Variants in FGF12 observed in about 807,000 individuals in gnomAD.
FGF12 encodes fibroblast growth factor 12B.
A neutral mutation model predicts 23.6 loss-of-function variants in FGF12; 14 were observed. The ratio of observed to expected loss-of-function variants is 0.59; its 90% confidence interval spans 0.39 to 0.93. The LOEUF is 0.93. Among genes scored for constraint, FGF12 ranks in the 40% least tolerant of loss-of-function variants. FGF12 has a pLI of 0.00. For synonymous variants in FGF12, 62 were observed against 77.3 expected (o/e 0.80, Z 1.04); for missense variants, 175 against 217.8 (o/e 0.80, Z 1.24).
At chr3:192,391,562 T>C (rs148715335) in intron 2 of FGF12, among the ~76,000 whole-genome samples, 23 of 152,328 alleles carry the variant, frequency 1.5e-4, no homozygotes, top group African/African-American at 5.5e-4. Context: ...GGTATTTTAC[T>C]CTGGGTTTAT....
chr3:192,482,187 T>C (rs1485457872), intron 2 of FGF12, among the ~76,000 whole-genome samples: 1 of 152,124 alleles, frequency 6.6e-6, no homozygotes, highest in Admixed American at 6.6e-5. Context: ...AACCTTAGTG[T>C]TTTAGAATTT....
At position 192,195,173 on chromosome 3, in the gene FGF12, AT is replaced by A. The variant is rs757211400; in HGVS notation, c.229-24518del. On this transcript the variant is annotated intron_variant, in intron 4 of 5. Coordinates refer to ENST00000445105, the MANE Select transcript of FGF12 (RefSeq NM_004113.6). ...TCATTTTGAAGTGGGAACAAAACAA[AT>A]TTTTTTTATATGTAATGTATCATTG... 4.2e-4 allele frequency among the ~76,000 whole-genome samples: 64 copies of A among 152,080 alleles called. 1 individual carries two copies. In the East Asian group the frequency reaches 8.9e-3, roughly 21 times the overall value.
At chr3:192,320,192 G>C (rs878908324) in intron 4 of FGF12, among the ~76,000 whole-genome samples, 2 of 152,030 alleles carry the variant, frequency 1.3e-5, no homozygotes, top group South Asian at 2.1e-4. Flanking sequence ...AAGAGGAGTA[G>C]CTCTACATAG....
chr3:192,667,277 C>A (rs1043881387), intron 2 of FGF12, among the ~76,000 whole-genome samples: 1 of 152,088 alleles, frequency 6.6e-6, no homozygotes, highest in South Asian at 2.1e-4. Flanking sequence ...CAGAGGGCTT[C>A]ACAGGAAAAA....
intron 2 of FGF12, among the ~76,000 whole-genome samples, chr3:192,555,791 T>C (rs1711744949): frequency 6.7e-6 from 1 of 148,640 alleles, no homozygotes; most frequent in South Asian, 2.1e-4. Flanking sequence ...AGAGGAAAAC[T>C]CCATCTCGGG....
At chr3:192,301,618 G>A (rs368038215) in intron 4 of FGF12, among the ~76,000 whole-genome samples, 24 of 152,270 alleles carry the variant, frequency 1.6e-4, no homozygotes, top group African/African-American at 5.1e-4. Context: ...GCATAGTCTC[G>A]TGGTCAGTGG....
At chr3:192,482,330 C>T (rs1439223745) in intron 2 of FGF12, among the ~76,000 whole-genome samples, 2 of 151,982 alleles carry the variant, frequency 1.3e-5, no homozygotes, top group Admixed American at 6.6e-5. Flanking sequence ...GAACAGGTAC[C>T]GTGGTAAAGA....
At chr3:192,458,683 A>G (rs2202101) in intron 2 of FGF12, among the ~76,000 whole-genome samples, 152,300 of 152,300 alleles carry the variant, frequency 1, 76,150 homozygotes, top group Non-Finnish European at 1. Flanking sequence ...TGTCTCAGAT[A>G]AGACTTTGGA....
At chr3:192,575,026 A>G (rs1217360332) in intron 2 of FGF12, among the ~76,000 whole-genome samples, 2 of 152,268 alleles carry the variant, frequency 1.3e-5, no homozygotes, top group African/African-American at 2.4e-5. Flanking sequence ...AGACTATGGT[A>G]TATCCATACA....
intron 2 of FGF12, among the ~76,000 whole-genome samples, chr3:192,557,759 T>C (rs1246429313): frequency 6.6e-6 from 1 of 151,894 alleles, no homozygotes; most frequent in Non-Finnish European, 1.5e-5. Flanking sequence ...GTGATGATAG[T>C]TCAACTTACA....
intron 2 of FGF12, among the ~76,000 whole-genome samples, chr3:192,502,424 G>A (rs1724158381): frequency 6.6e-6 from 1 of 152,198 alleles, no homozygotes; most frequent in Non-Finnish European, 1.5e-5. Context: ...CCCAAGAAGA[G>A]CATGTCAGAC....
At chr3:192,495,985 G>GATTGTTTTA (rs1723944246) in intron 2 of FGF12, among the ~76,000 whole-genome samples, 1 of 152,028 alleles carries the variant, frequency 6.6e-6, no homozygotes, top group Non-Finnish European at 1.5e-5. Context: ...TTAAAAACAG[G>GATTGTTTTA]AAACCATTTG....
At chr3:192,437,763 T>C (rs1469030864) in intron 2 of FGF12, among the ~76,000 whole-genome samples, 1 of 151,984 alleles carries the variant, frequency 6.6e-6, no homozygotes, top group Non-Finnish European at 1.5e-5. Context: ...TAACCCCCAG[T>C]TCCAAATCTA....
chr3:192,506,371 G>A (rs1361591310), intron 2 of FGF12, among the ~76,000 whole-genome samples: 8 of 152,040 alleles, frequency 5.3e-5, no homozygotes, highest in East Asian at 1.9e-4. Context: ...TGTTTTGTTC[G>A]TTTTGTTTTT....
At chr3:192,493,518 C>T (rs992507813) in intron 2 of FGF12, among the ~76,000 whole-genome samples, 38 of 152,136 alleles carry the variant, frequency 2.5e-4, no homozygotes, top group Non-Finnish European at 4.6e-4. Context: ...AGGACTTGCA[C>T]TTCTATAAAG....
Position 192,408,431 on chromosome 3 carries a change from G to T in FGF12, c.14-47893C>A. ...TGGCGACAAAATGTGTGAAAATCCA[G>T]ATGTAAACTTCCCCAACCTCTGGCG... On this transcript the variant is annotated intron_variant, in intron 2 of 5. Transcript: ENST00000445105. The surrounding 1 kb of genome is among the most constrained non-coding windows in gnomAD (Gnocchi z 7.3). 1.4e-6 allele frequency: 2 copies of T among 1,397,046 alleles called. No individual in the cohort carries two copies. The highest frequency in any genetic ancestry group is 3.3e-5 in the South Asian group (2 of 60,270). 86.5% of individuals were successfully genotyped at this position (1,397,046 alleles called of 1,614,324 possible).
chr3:192,472,167 C>G (rs781401791), intron 2 of FGF12, among the ~76,000 whole-genome samples: 1 of 152,080 alleles, frequency 6.6e-6, no homozygotes, highest in Non-Finnish European at 1.5e-5. Flanking sequence ...CAGGCGCCTG[C>G]CACCACGCCC....
chr3:192,244,196 T>C (rs1268256652), intron 4 of FGF12, among the ~76,000 whole-genome samples: 2 of 152,178 alleles, frequency 1.3e-5, no homozygotes, highest in African/African-American at 4.8e-5. Context: ...CTTTCTGCTC[T>C]ACTTTTAGAA....
At chr3:192,270,078 T>C (rs1439309748) in intron 4 of FGF12, among the ~76,000 whole-genome samples, 1 of 152,220 alleles carries the variant, frequency 6.6e-6, no homozygotes, top group Non-Finnish European at 1.5e-5. Context: ...CACATCCTCC[T>C]GCATTCTGAG....
Sources: gnomAD v4.1 joint callset for allele counts (sites outside exome capture counted in the v4.1 genomes callset) on GRCh38, gnomAD v4.1.1 for gene constraint, Gnocchi (gnomAD v3.1) non-coding constraint, MANE v1.5 for transcripts, NCBI Gene and HGNC (gene_info 2026-07-23, HGNC 2026-07-21) for gene names.